The following TG variants were observed in gnomAD, a reference collection of about 807,000 sequenced individuals.
TG encodes the protein thyroid hormones.
A neutral mutation model predicts 324.7 loss-of-function variants in TG; 270 were observed. The ratio of observed to expected loss-of-function variants is 0.83; its 90% CI spans 0.75 to 0.92. The LOEUF is 0.92. Among genes scored for constraint, TG ranks in the 40% least tolerant of loss-of-function variants. The pLI is 0.00. For missense variants in TG, 3,591 were observed against 3,456.4 expected, an observed-to-expected ratio of 1.04 and a Z score of -0.98; for synonymous variants, 1,401 against 1,327.0, an observed-to-expected ratio of 1.06 and a Z score of -1.21.
At chr8:132,941,685 A>C in intron 26 of TG, 143 bp downstream of exon 26, 1 of 869,396 alleles carries the variant, frequency 1.2e-6, no homozygotes, top group Non-Finnish European at 1.8e-6. Flanking sequence ...TCAAGTACAC[A>C]ATACACACAT....
At chr8:132,972,788 A>G in intron 34 of TG, 47 bp downstream of exon 34, 1 of 1,611,950 alleles carries the variant, frequency 6.2e-7, no homozygotes, top group Admixed American at 1.7e-5. Flanking sequence ...TTAGTTAACT[A>G]TTTCCCAGCC....
chr8:132,938,463 A>T (rs1823931526), intron 25 of TG, among the ~76,000 whole-genome samples: 1 of 152,136 alleles, frequency 6.6e-6, no homozygotes, highest in African/African-American at 2.4e-5. Context: ...ACTACATGTG[A>T]CATCAAAGTG....
intron 35 of TG, among the ~76,000 whole-genome samples, chr8:132,998,675 G>A (rs567555509): frequency 1.3e-5 from 2 of 152,340 alleles, no homozygotes; most frequent in East Asian, 3.9e-4. Context: ...TGGCGTGAGT[G>A]GGCTAAAGTG....
At chr8:132,932,214 C>T (rs904511240) in intron 23 of TG, among the ~76,000 whole-genome samples, 2 of 152,120 alleles carry the variant, frequency 1.3e-5, no homozygotes, top group Admixed American at 1.3e-4. Flanking sequence ...ACATTACAGC[C>T]ATACAATGCT....
intron 43 of TG, 54 bp from the exon 44 acceptor site, chr8:133,113,368 A>C: frequency 6.2e-7 from 1 of 1,603,940 alleles, no homozygotes. Flanking sequence ...AGGGACACTG[A>C]CTTGGACCTT....
chr8:133,087,559 C>T (rs1179177873), intron 41 of TG, among the ~76,000 whole-genome samples: 1 of 152,160 alleles, frequency 6.6e-6, no homozygotes, highest in Non-Finnish European at 1.5e-5. Flanking sequence ...TGACTGTTTC[C>T]ATTTTGACAA....
intron 35 of TG, among the ~76,000 whole-genome samples, chr8:132,998,364 A>G (rs904073395): frequency 3.9e-5 from 6 of 152,244 alleles, no homozygotes; most frequent in African/African-American, 1.2e-4. Context: ...AAGAGAGGGG[A>G]CCAACTGATC....
At chr8:132,879,435 G>A (rs1404206627) in intron 5 of TG, among the ~76,000 whole-genome samples, 1 of 152,240 alleles carries the variant, frequency 6.6e-6, no homozygotes, top group Non-Finnish European at 1.5e-5. Context: ...TTGGGAAGTG[G>A]AGATTTTTAA....
In TG at chr8:132,938,417, A is replaced by T. The variant is rs73349627; in HGVS notation, c.5041+2553A>T. Among the ~76,000 whole-genome samples the T allele has an allele frequency of 8.3e-3, 1,258 of 152,202 alleles. 16 individuals carry two copies. The highest frequency in any genetic ancestry group is 0.029 in the African/African-American group (1,195 of 41,526). On this transcript the variant is annotated intron_variant, in intron 25 of 47. Transcript: ENST00000220616. ...TAGAGATTATCTAGCCCAACCCCTC[A>T]TCTCACAGATGAGGTCTAGGAAAAG...
intron 30 of TG, 84 bp downstream of exon 30, chr8:132,966,781 A>C: frequency 6.4e-7 from 1 of 1,562,198 alleles, no homozygotes; most frequent in East Asian, 2.2e-5. Flanking sequence ...CCTGAGACAC[A>C]GATAAGGCCA....
At chr8:132,922,466 G>A (rs974010263) in intron 21 of TG, among the ~76,000 whole-genome samples, 19 of 152,148 alleles carry the variant, frequency 1.2e-4, no homozygotes, top group East Asian at 3.9e-4. Flanking sequence ...GTCATCAATC[G>A]TTCATTCACA....
intron 41 of TG, among the ~76,000 whole-genome samples, chr8:133,054,780 G>A (rs1029479326): frequency 2.6e-5 from 4 of 152,162 alleles, no homozygotes; most frequent in Non-Finnish European, 4.4e-5. Context: ...GTACAAAAGC[G>A]TAAAATAGGA....
chr8:132,989,296 G>T (rs1436170693), intron 35 of TG, among the ~76,000 whole-genome samples: 1 of 152,194 alleles, frequency 6.6e-6, no homozygotes, highest in East Asian at 1.9e-4. Flanking sequence ...TTACTATTTG[G>T]ATTGAAAGCC....
intron 45 of TG, among the ~76,000 whole-genome samples, chr8:133,126,593 A>G (rs1851538063): frequency 6.6e-6 from 1 of 151,848 alleles, no homozygotes; most frequent in African/African-American, 2.4e-5. Flanking sequence ...GGACTGCACT[A>G]TTTAGCGTAC....
intron 41 of TG, among the ~76,000 whole-genome samples, chr8:133,042,726 C>T (rs542834003): frequency 1.0e-3 from 108 of 107,854 alleles, no homozygotes; most frequent in African/African-American, 3.8e-3. Context: ...TGGAGTCTTG[C>T]TCTGCCACAC....
At chr8:133,031,764 C>A (rs1192791217) in intron 41 of TG, among the ~76,000 whole-genome samples, 1 of 152,178 alleles carries the variant, frequency 6.6e-6, no homozygotes, top group Non-Finnish European at 1.5e-5. Flanking sequence ...GCCACAGGAG[C>A]CTTTCATGTT....
chr8:133,036,346 C>G (rs1489858979), intron 41 of TG, among the ~76,000 whole-genome samples: 1 of 152,164 alleles, frequency 6.6e-6, no homozygotes, highest in Non-Finnish European at 1.5e-5. Flanking sequence ...TGCTATAGCC[C>G]CAGTACCTGA....
chr8:133,116,588 C>A (rs769053374), intron 44 of TG, 21 bp from the exon 45 acceptor site: 1 of 1,604,726 alleles, frequency 6.2e-7, no homozygotes, highest in Non-Finnish European at 8.5e-7. Flanking sequence ...CCAGACTCCC[C>A]CCATGTTCTC....
At chr8:133,002,984 A>G (rs1833684280) in intron 35 of TG, 7 of 1,019,846 alleles carry the variant, frequency 6.9e-6, no homozygotes, top group Non-Finnish European at 8.2e-6. Flanking sequence ...TTACAGATTC[A>G]CATGTACCTG....
Sources: allele counts gnomAD v4.1 joint callset (sites outside exome capture counted in the v4.1 genomes callset), GRCh38; gene constraint gnomAD v4.1.1; transcripts MANE v1.5; gene names NCBI Gene and HGNC (gene_info 2026-07-23, HGNC 2026-07-21).